Variants in CRLF3 observed in about 807,000 individuals in gnomAD.
CRLF3 encodes the protein cytokine receptor like factor 3.
CRLF3 carries 33 observed loss-of-function variants against 55.0 expected under a neutral mutation model. The observed-to-expected ratio is 0.60, with a 90% CI of 0.46 to 0.80. CRLF3 has a LOEUF of 0.80. Ranked by LOEUF, CRLF3 falls within the 30% of genes least tolerant of loss-of-function variation. CRLF3 has a pLI of 0.00. For synonymous variants in CRLF3, 238 were observed against 196.8 expected (o/e 1.21, Z -1.75); for missense variants, 494 against 538.4 (o/e 0.92, Z 0.82).
intron 3 of CRLF3, 102 bp from the exon 4 acceptor site, chr17:30,796,439 C>T: frequency 1.2e-6 from 1 of 813,032 alleles, no homozygotes; most frequent in South Asian, 2.3e-5. Context: ...CCTGAAGCCC[C>T]CAGTAATTAA....
intron 1 of CRLF3, among the ~76,000 whole-genome samples, chr17:30,820,679 C>A (rs767747602): frequency 1.3e-5 from 2 of 151,952 alleles, no homozygotes; most frequent in Non-Finnish European, 2.9e-5. Context: ...GTAATCCTGG[C>A]TATTCGGGAG....
chr17:30,787,481 T>C (rs550077578), intron 6 of CRLF3: 2 of 151,582 alleles, frequency 1.3e-5, no homozygotes, highest in South Asian at 4.2e-4. Context: ...AATGTACAGA[T>C]CCCTATTGCC....
intron 3 of CRLF3, 136 bp from the exon 4 acceptor site, chr17:30,796,473 C>G: frequency 1.7e-6 from 1 of 578,920 alleles, no homozygotes. Context: ...AGGGGATTTG[C>G]AAGATGTTAC....
At chr17:30,821,976 C>T (rs1207546935) in intron 1 of CRLF3, among the ~76,000 whole-genome samples, 1 of 147,986 alleles carries the variant, frequency 6.8e-6, no homozygotes, top group Non-Finnish European at 1.5e-5. Flanking sequence ...ATTCCATCAC[C>T]GGAAGGCAGA....
At chr17:30,814,429 G>A (rs1025423419) in intron 1 of CRLF3, among the ~76,000 whole-genome samples, 2 of 151,988 alleles carry the variant, frequency 1.3e-5, no homozygotes, top group Non-Finnish European at 2.9e-5. Context: ...CGAGGCAGGC[G>A]GATCACCTAA....
At chr17:30,791,433 CTG>C (rs1971798517) in intron 6 of CRLF3, among the ~76,000 whole-genome samples, 1 of 151,910 alleles carries the variant, frequency 6.6e-6, no homozygotes, top group Non-Finnish European at 1.5e-5. Context: ...TCTCGAACTC[CTG>C]ACCACAAGTG....
chr17:30,795,828 C>T (rs1314398223), intron 4 of CRLF3, among the ~76,000 whole-genome samples: 1 of 151,932 alleles, frequency 6.6e-6, no homozygotes, highest in Non-Finnish European at 1.5e-5. Context: ...CCCAGCTACT[C>T]AGGAGGCCGA....
At chr17:30,817,774 C>T (rs1459751981) in intron 1 of CRLF3, among the ~76,000 whole-genome samples, 2 of 151,348 alleles carry the variant, frequency 1.3e-5, no homozygotes, top group Admixed American at 1.3e-4. Flanking sequence ...GGTGTGGTGG[C>T]AGGCGCCTGT....
intron 1 of CRLF3, among the ~76,000 whole-genome samples, chr17:30,813,640 A>C (rs1904692223): frequency 1.3e-5 from 2 of 151,962 alleles, no homozygotes; most frequent in Non-Finnish European, 1.5e-5. Flanking sequence ...TTTAGGGTAC[A>C]TGTGCACAAC....
intron 2 of CRLF3, 151 bp downstream of exon 2, chr17:30,803,750 C>G: frequency 1.5e-6 from 1 of 672,552 alleles, no homozygotes; most frequent in Non-Finnish European, 2.6e-6. Flanking sequence ...GTGCCTTTCA[C>G]CTGCCATGAT....
chr17:30,791,793 A>G (rs188447167), intron 6 of CRLF3, among the ~76,000 whole-genome samples: 3 of 151,406 alleles, frequency 2.0e-5, no homozygotes, highest in East Asian at 3.9e-4. Context: ...TGGGATTACA[A>G]GTGTGAGCCA....
At chr17:30,798,303 G>A (rs539126345) in intron 2 of CRLF3, among the ~76,000 whole-genome samples, 2 of 151,998 alleles carry the variant, frequency 1.3e-5, no homozygotes, top group South Asian at 2.1e-4. Context: ...ACTTGAATCC[G>A]GGACATGGAG....
At chr17:30,807,468 G>C (rs1006867985) in intron 1 of CRLF3, among the ~76,000 whole-genome samples, 1 of 140,486 alleles carries the variant, frequency 7.1e-6, no homozygotes, top group East Asian at 2.2e-4. Flanking sequence ...AACAGAAAAA[G>C]AGCAGTATCA....
intron 1 of CRLF3, among the ~76,000 whole-genome samples, chr17:30,812,023 T>C (rs2142269031): frequency 6.6e-6 from 1 of 151,616 alleles, no homozygotes; most frequent in African/African-American, 2.4e-5. Flanking sequence ...GGCAGGAGAA[T>C]GGCGTGAGCG....
rs58719264 is a variant in CRLF3 at position 30,785,085 on chromosome 17, ATTTTTTTTTTTTT to A, written c.1073-655_1073-643del. ...TATTATTAACATGTCTTGCTAGTGA[ATTTTTTTTTTTTT>A]TTTTTTTTTTGAGACGGAGTCTCAC... On this transcript the variant is annotated intron_variant, in intron 7 of 7. Transcript: ENST00000324238. 3 of 101,220 alleles carry A rather than the reference ATTTTTTTTTTTTT, an allele frequency of 3.0e-5. No homozygotes were observed. In the East Asian group the frequency reaches 7.5e-4, roughly 25 times the overall value. 6.3% of individuals were successfully genotyped at this position (101,220 alleles called of 1,614,324 possible).
At position 30,792,256 on chromosome 17, in the gene CRLF3, C is replaced by T. The variant is rs147492964; in HGVS notation, c.959+184G>A. On this transcript the variant is annotated intron_variant, in intron 6 of 7. Transcript: ENST00000324238. ...TTATATACATTTCCCAGTTAATCTA[C>T]GTAATAACCCTGTGAATACAGATGA... The T allele has an allele frequency of 5.1e-4, 265 of 515,638 alleles. 2 individuals are homozygous for T. In the East Asian group the frequency reaches 6.6e-3, roughly 13 times the overall value. 31.9% of individuals were successfully genotyped at this position (515,638 alleles called of 1,614,324 possible).
At chr17:30,801,762 T>C (rs1288507131) in intron 2 of CRLF3, among the ~76,000 whole-genome samples, 2 of 152,040 alleles carry the variant, frequency 1.3e-5, no homozygotes, top group Non-Finnish European at 1.5e-5. Flanking sequence ...CTTTTCCCTC[T>C]AGTCTTACAA....
intron 6 of CRLF3, among the ~76,000 whole-genome samples, chr17:30,791,314 A>C (rs754382157): frequency 2.0e-5 from 3 of 150,354 alleles, no homozygotes; most frequent in Non-Finnish European, 3.0e-5. Flanking sequence ...CTTGTGATCC[A>C]CCCACCTCAG....
rs998043777 is a variant in CRLF3, at chr17:30,796,262, C to T, written c.501G>A (p.Val167=). 2 of 1,613,900 alleles carry T rather than the reference C, an allele frequency of 1.2e-6. No individual in the cohort carries two copies. Among genetic ancestry groups the T allele is most frequent in the African/African-American group, 2.7e-5 (2 of 74,890 alleles). ...AQLDDSILNI[V]KDHIFKHGTV... ...TTCCATGCTTAAAAATGTGGTCTTT[C>T]ACTATGTTAAGAATTGAGTCATCCA... The change falls in exon 4 of 8, where the codon GTG becomes GTA. Residue 167 remains valine (V), a synonymous_variant. Coordinates refer to ENST00000324238, the MANE Select transcript of CRLF3 (RefSeq NM_015986.4).
Sources: gnomAD v4.1 joint callset for allele counts (sites outside exome capture counted in the v4.1 genomes callset) on GRCh38, gnomAD v4.1.1 for gene constraint, MANE v1.5 for transcripts, NCBI Gene and HGNC (gene_info 2026-07-23, HGNC 2026-07-21) for gene names.